The following NCKAP5 variants were observed in gnomAD, a reference collection of about 807,000 sequenced individuals.
NCKAP5 encodes NCK associated protein 5.
NCKAP5 carries 92 observed loss-of-function variants against 167.0 expected under a neutral mutation model. The observed-to-expected ratio is 0.55, with a 90% CI of 0.47 to 0.66. The LOEUF (loss-of-function observed/expected upper bound fraction) is 0.66, where lower values mean the gene tolerates loss of function less well. Ranked by LOEUF, NCKAP5 falls within the 30% of genes least tolerant of loss-of-function variation. The probability of loss-of-function intolerance (pLI) is 0.00; values close to 1 mark genes in which losing one functional copy is unlikely to be tolerated. For missense variants in NCKAP5, 2,378 were observed against 2,315.0 expected (o/e 1.03, Z -0.56); for synonymous variants, 891 against 877.4 (o/e 1.02, Z -0.27).
chr2:133,388,624 G>C (rs960561606), intron 3 of NCKAP5, among the ~76,000 whole-genome samples: 1 of 152,226 alleles, frequency 6.6e-6, no homozygotes, highest in Admixed American at 6.5e-5. Flanking sequence ...GCTATGCCCT[G>C]CCCCCACAGG....
chr2:133,345,503 A>T (rs1683910991), intron 3 of NCKAP5, among the ~76,000 whole-genome samples: 1 of 152,196 alleles, frequency 6.6e-6, no homozygotes, highest in African/African-American at 2.4e-5. Flanking sequence ...CTCGGTACAC[A>T]TTATAATCAC....
chr2:132,923,542 C>T (rs527568642), intron 8 of NCKAP5, among the ~76,000 whole-genome samples: 2 of 152,230 alleles, frequency 1.3e-5, no homozygotes, highest in East Asian at 3.9e-4. Context: ...TACAGTTCTG[C>T]AGAAGAACAA....
intron 3 of NCKAP5, among the ~76,000 whole-genome samples, chr2:133,342,160 CG>C (rs1387214067): frequency 6.6e-6 from 1 of 151,998 alleles, no homozygotes; most frequent in Non-Finnish European, 1.5e-5. Flanking sequence ...AGGATGGTCT[CG>C]ATCTCCTGAC....
rs140145310 is a variant in NCKAP5 at position 132,731,390 on chromosome 2, G to A, written c.5443+347C>T. 1.6e-3 allele frequency among the ~76,000 whole-genome samples: 244 copies of A among 152,296 alleles called. 1 individual carries two copies. Among genetic ancestry groups the A allele is most frequent in the African/African-American group, 5.6e-3 (233 of 41,556 alleles). On this transcript the variant is annotated intron_variant, in intron 17 of 19. Coordinates refer to ENST00000409261, the MANE Select transcript of NCKAP5 (RefSeq NM_207363.3). ...TGGTTAGAAGGCAAACAACATTGTAGTTAAATCTATATCTTGGGCTGAAAT... is the reference window on the plus strand; with the variant it reads ...TGGTTAGAAGGCAAACAACATTGTAATTAAATCTATATCTTGGGCTGAAAT...
chr2:132,758,014 C>A (rs1157259070), intron 16 of NCKAP5, among the ~76,000 whole-genome samples: 1 of 152,214 alleles, frequency 6.6e-6, no homozygotes, highest in Non-Finnish European at 1.5e-5. Flanking sequence ...CAAACTTCCC[C>A]CTTTCCTCCA....
chr2:132,809,042 G>C (rs1685654771), intron 11 of NCKAP5, among the ~76,000 whole-genome samples: 2 of 152,114 alleles, frequency 1.3e-5, no homozygotes, highest in Admixed American at 1.3e-4. Flanking sequence ...TCATTCAGGA[G>C]CAGGCTATAT....
chr2:132,997,099 A>G (rs917013688), intron 6 of NCKAP5, among the ~76,000 whole-genome samples: 1 of 152,356 alleles, frequency 6.6e-6, no homozygotes, highest in East Asian at 1.9e-4. Context: ...GAGACCAGTG[A>G]ATCCGCTGAT....
chr2:133,126,671 T>C (rs1296484995), intron 6 of NCKAP5, among the ~76,000 whole-genome samples: 2 of 152,352 alleles, frequency 1.3e-5, no homozygotes, highest in East Asian at 1.9e-4. Context: ...CATTCTATTA[T>C]GAATTTATTA....
chr2:133,371,397 C>A (rs976190297), intron 3 of NCKAP5, among the ~76,000 whole-genome samples: 2 of 152,076 alleles, frequency 1.3e-5, no homozygotes, highest in African/African-American at 4.8e-5. Flanking sequence ...GACATCTGTG[C>A]GTATTTAGAT....
intron 3 of NCKAP5, among the ~76,000 whole-genome samples, chr2:133,409,763 G>C (rs1169303844): frequency 6.6e-6 from 1 of 152,130 alleles, no homozygotes; most frequent in Non-Finnish European, 1.5e-5. Flanking sequence ...GACTTAAAAA[G>C]GGCAAAGAAA....
intron 4 of NCKAP5, among the ~76,000 whole-genome samples, chr2:133,259,325 TTTTAAG>T (rs1409398890): frequency 8.5e-5 from 13 of 152,250 alleles, no homozygotes; most frequent in African/African-American, 2.9e-4. Flanking sequence ...TTCACCTAAA[TTTTAAG>T]TTCCTTGAAG....
chr2:133,372,255 G>A (rs1489304556), intron 3 of NCKAP5, among the ~76,000 whole-genome samples: 4 of 152,148 alleles, frequency 2.6e-5, no homozygotes, highest in Non-Finnish European at 1.5e-5. Context: ...GGGTCAATGA[G>A]GAGACTGCTG....
At chr2:133,259,645 A>C (rs2150364740) in intron 4 of NCKAP5, among the ~76,000 whole-genome samples, 1 of 152,348 alleles carries the variant, frequency 6.6e-6, no homozygotes, top group Non-Finnish European at 1.5e-5. Flanking sequence ...ATGTTGAACA[A>C]GAAACCACAG....
At chr2:133,525,469 G>C (rs534763927) in intron 2 of NCKAP5, among the ~76,000 whole-genome samples, 1 of 152,274 alleles carries the variant, frequency 6.6e-6, no homozygotes, top group South Asian at 2.1e-4. Flanking sequence ...TCTGGGTCTG[G>C]AAATCTTGTC....
chr2:133,618,268 C>G, the NCKAP5 span, among the ~76,000 whole-genome samples: 1 of 150,362 alleles, frequency 6.7e-6, no homozygotes, highest in Non-Finnish European at 1.5e-5. Flanking sequence ...TCTAAAACAC[C>G]AAAAGCAATG....
the NCKAP5 span, among the ~76,000 whole-genome samples, chr2:133,642,725 A>G: frequency 6.6e-5 from 10 of 152,234 alleles, no homozygotes; most frequent in African/African-American, 2.4e-4. Context: ...TGCAACCTCT[A>G]TAAAGTTGAG....
chr2:132,918,798 A>G (rs1490102877), intron 8 of NCKAP5, among the ~76,000 whole-genome samples: 2 of 152,238 alleles, frequency 1.3e-5, no homozygotes, highest in Non-Finnish European at 2.9e-5. Flanking sequence ...CCAAGTTTAG[A>G]AATAGCCATG....
intron 6 of NCKAP5, among the ~76,000 whole-genome samples, chr2:133,090,825 A>G (rs572050948): frequency 6.6e-6 from 1 of 152,220 alleles, no homozygotes; most frequent in Admixed American, 6.5e-5. Flanking sequence ...CCTCTGTTCT[A>G]TTTCAAACGC....
chr2:133,669,510 G>A, the NCKAP5 span, among the ~76,000 whole-genome samples: 2 of 152,068 alleles, frequency 1.3e-5, no homozygotes, highest in Admixed American at 1.3e-4. Context: ...CCACTTGCCA[G>A]GTCCTCTTTC....
Sources: gnomAD v4.1 joint callset for allele counts (sites outside exome capture counted in the v4.1 genomes callset) on GRCh38, gnomAD v4.1.1 for gene constraint, MANE v1.5 for transcripts, NCBI Gene and HGNC (gene_info 2026-07-23, HGNC 2026-07-21) for gene names.